The following SULT4A1 variants were observed in gnomAD, a reference collection of about 807,000 sequenced individuals.
The protein encoded by SULT4A1 is sulfotransferase 4A1.
SULT4A1 carries 11 observed loss-of-function variants against 35.2 expected under a neutral mutation model. The observed-to-expected ratio is 0.31, with a 90% CI of 0.20 to 0.52. SULT4A1 has a LOEUF of 0.52. SULT4A1 is among the 20% of genes least tolerant of loss of function. The probability of loss-of-function intolerance (pLI) is 0.97; values close to 1 mark genes in which losing one functional copy is unlikely to be tolerated. For missense variants in SULT4A1, 271 were observed against 383.7 expected, an observed-to-expected ratio of 0.71 and a Z score of 2.45; for synonymous variants, 152 against 151.8, an observed-to-expected ratio of 1.00 and a Z score of -0.01.
intron 1 of SULT4A1, among the ~76,000 whole-genome samples, chr22:43,846,966 A>G (rs549697991): frequency 1.3e-5 from 2 of 152,238 alleles, no homozygotes; most frequent in East Asian, 1.9e-4. Flanking sequence ...TCTTACATCA[A>G]TATCGGCCAC....
intron 1 of SULT4A1, among the ~76,000 whole-genome samples, chr22:43,859,713 A>G (rs1054626362): frequency 3.9e-5 from 6 of 152,356 alleles, no homozygotes; most frequent in African/African-American, 1.4e-4. Context: ...TCACGGTTTT[A>G]CCTGGCGCTG....
At chr22:43,827,206 A>G in intron 6 of SULT4A1, 1 of 985,398 alleles carries the variant, frequency 1.0e-6, no homozygotes, top group Non-Finnish European at 1.2e-6. Context: ...CTGAGATCAG[A>G]GCTCTGTCTC....
At chr22:43,845,549 CCT>C (rs1569504174) in intron 1 of SULT4A1, among the ~76,000 whole-genome samples, 1 of 150,106 alleles carries the variant, frequency 6.7e-6, no homozygotes, top group African/African-American at 2.4e-5. Flanking sequence ...TGACCCTCCC[CCT>C]GTGACACTGC....
intron 1 of SULT4A1, among the ~76,000 whole-genome samples, chr22:43,846,757 C>T (rs1458812428): frequency 6.6e-6 from 1 of 152,254 alleles, no homozygotes; most frequent in Non-Finnish European, 1.5e-5. Context: ...TTGCCTGTTC[C>T]TCCTGGTGAG....
chr22:43,839,037 C>A, intron 3 of SULT4A1, 44 bp from the exon 4 acceptor site: 1 of 1,606,420 alleles, frequency 6.2e-7, no homozygotes. Flanking sequence ...TCCTTCCCTC[C>A]CAGGCAGGGC....
At chr22:43,851,269 G>A (rs767537951) in intron 1 of SULT4A1, among the ~76,000 whole-genome samples, 1 of 152,128 alleles carries the variant, frequency 6.6e-6, no homozygotes, top group African/African-American at 2.4e-5. Context: ...AAAGCAACAC[G>A]TGTCTTGACG....
intron 2 of SULT4A1, 148 bp from the exon 3 acceptor site, chr22:43,840,173 A>G: frequency 2.1e-6 from 1 of 465,832 alleles, no homozygotes. Flanking sequence ...GGTCTAGGGT[A>G]GCGGAGGGGT....
At chr22:43,848,067 C>T (rs1056695134) in intron 1 of SULT4A1, among the ~76,000 whole-genome samples, 7 of 152,098 alleles carry the variant, frequency 4.6e-5, no homozygotes, top group African/African-American at 1.7e-4. Flanking sequence ...CGCTCTGACC[C>T]CAGCACAGGT....
intron 1 of SULT4A1, among the ~76,000 whole-genome samples, chr22:43,843,275 A>G (rs1372486720): frequency 6.6e-6 from 1 of 152,170 alleles, no homozygotes; most frequent in Non-Finnish European, 1.5e-5. Flanking sequence ...TAAAAACATT[A>G]GCTGGGCATA....
chr22:43,847,843 T>C (rs1245290362), intron 1 of SULT4A1, among the ~76,000 whole-genome samples: 1 of 152,220 alleles, frequency 6.6e-6, no homozygotes, highest in African/African-American at 2.4e-5. Context: ...CTGGTCTTAG[T>C]CACTGTTTTA....
intron 1 of SULT4A1, among the ~76,000 whole-genome samples, chr22:43,850,499 A>T (rs879901397): frequency 2.6e-5 from 4 of 152,128 alleles, no homozygotes; most frequent in African/African-American, 4.8e-5. Flanking sequence ...TATTGCTATT[A>T]ATCATTCCTT....
chr22:43,839,714 C>T (rs899699278), intron 3 of SULT4A1, among the ~76,000 whole-genome samples: 4 of 152,208 alleles, frequency 2.6e-5, no homozygotes, highest in African/African-American at 9.6e-5. Context: ...AGGCTGGCCA[C>T]AGCCATGTTT....
intron 1 of SULT4A1, among the ~76,000 whole-genome samples, chr22:43,849,564 G>A (rs111698975): frequency 2.6e-4 from 39 of 152,282 alleles, no homozygotes; most frequent in African/African-American, 9.4e-4. Context: ...TCATGGTGTA[G>A]CTTCGGAGAG....
chr22:43,852,159 C>G (rs763883629), intron 1 of SULT4A1, among the ~76,000 whole-genome samples: 1 of 152,150 alleles, frequency 6.6e-6, no homozygotes, highest in Non-Finnish European at 1.5e-5. Context: ...AATCCCCCAG[C>G]TCCCTGAGAA....
At chr22:43,853,395 G>T (rs560110954) in intron 1 of SULT4A1, among the ~76,000 whole-genome samples, 2 of 152,210 alleles carry the variant, frequency 1.3e-5, no homozygotes, top group Non-Finnish European at 2.9e-5. Flanking sequence ...CTGGGACCCT[G>T]GGAAACGAAT....
Position 43,833,663 on chromosome 22 carries a change from G to C in SULT4A1, c.580C>G (p.Leu194Val). The change falls in exon 5 of 7, where the codon CTC becomes GTC. Residue 194 changes from leucine (L) to valine (V), a missense_variant. Leu to Val is a conservative substitution (Grantham distance 32). Around this residue, in one of 3 missense-constraint regions of SULT4A1, gnomAD observed 75 missense variants for 67.7 expected, o/e 1.11. Transcript: ENST00000330884. ...EHRMDSNVLF[L>V]KYEDMHRDLV... The stretch of plus-strand genomic sequence containing the variant: ...ACCCGATGCATGTCTTCATACTTGA[G>C]AAAAAGCACGTTCGAGTCCATGCGG... The C allele has an allele frequency of 3.1e-6, 5 of 1,596,070 alleles. No homozygotes were observed. Among genetic ancestry groups the C allele is most frequent in the Non-Finnish European group, 4.3e-6 (5 of 1,171,120 alleles).
At chr22:43,849,583 G>A (rs993044316) in intron 1 of SULT4A1, among the ~76,000 whole-genome samples, 11 of 152,134 alleles carry the variant, frequency 7.2e-5, no homozygotes, top group Non-Finnish European at 1.5e-4. Context: ...AGTCTGGCCA[G>A]GGATGGCCAG....
At chr22:43,842,810 G>C (rs2063445015) in intron 1 of SULT4A1, among the ~76,000 whole-genome samples, 1 of 152,182 alleles carries the variant, frequency 6.6e-6, no homozygotes, top group Non-Finnish European at 1.5e-5. Flanking sequence ...GGGGTCTAGA[G>C]CTATTAACTG....
At position 43,829,183 on chromosome 22, in the gene SULT4A1, CCAT is replaced by C; in HGVS notation, c.616_618del (p.Met206del). ...CCCAGGAATCTGGCCAGCTGCTCCA[CCAT>C]CGTCACCAGGTCCTGGAAGACAAGT... On this transcript the variant is annotated inframe_deletion, in exon 6 of 7. Transcript: ENST00000330884. 1 of 1,564,050 alleles carries C rather than the reference CCAT, an allele frequency of 6.4e-7. No individual in the cohort carries two copies. Among genetic ancestry groups the C allele is most frequent in the Non-Finnish European group, 8.7e-7 (1 of 1,154,382 alleles).
Sources: allele counts gnomAD v4.1 joint callset (sites outside exome capture counted in the v4.1 genomes callset), GRCh38; gene constraint gnomAD v4.1.1; regional missense constraint gnomAD v4.1.1; transcripts MANE v1.5; gene names NCBI Gene and HGNC (gene_info 2026-07-23, HGNC 2026-07-21).